Variants in PCDHA2 observed in about 807,000 individuals in gnomAD.
The protein encoded by PCDHA2 is protocadherin alpha 2, also known as protocadherin alpha-2.
In PCDHA2, 58 loss-of-function variants were observed where a neutral mutation model predicts 66.0. The observed-to-expected ratio is 0.88, with a 90% CI of 0.71 to 1.09. The LOEUF is 1.09. Among genes scored for constraint, PCDHA2 ranks in the 50% least tolerant of loss-of-function variants. The pLI, the probability that PCDHA2 is intolerant of heterozygous loss-of-function variation, is 0.00. For missense variants in PCDHA2, 1,267 were observed against 1,242.3 expected (o/e 1.02, Z -0.30); for synonymous variants, 634 against 554.0 (o/e 1.14, Z -2.03).
At chr5:140,927,720 G>A in intron 1 of PCDHA2, 6 of 1,614,174 alleles carry the variant, frequency 3.7e-6, no homozygotes, top group Non-Finnish European at 4.2e-6. Context: ...GCAACAGCAC[G>A]CAAGCAGAGC....
chr5:140,874,487 G>T (rs1194886650), intron 1 of PCDHA2, among the ~76,000 whole-genome samples: 11 of 152,214 alleles, frequency 7.2e-5, no homozygotes, highest in African/African-American at 2.2e-4. Flanking sequence ...GCAAAAGGTT[G>T]ATATCAAGTT....
At chr5:140,822,386 C>T (rs2150115913) in intron 1 of PCDHA2, 2 of 1,614,064 alleles carry the variant, frequency 1.2e-6, no homozygotes, top group East Asian at 4.5e-5. Context: ...AGAGAAGAAA[C>T]ACAAGAACAC....
At chr5:140,871,316 TGGTGTGCTCCCGCGC>T in intron 1 of PCDHA2, 1 of 1,614,034 alleles carries the variant, frequency 6.2e-7, no homozygotes, top group Non-Finnish European at 8.5e-7. Context: ...AAGCCCACGC[TGGTGTGCTCCCGCGC>T]GGTGGGGAGC....
Position 140,869,285 on chromosome 5 carries a change from A to C in PCDHA2, c.2388+71933A>C, listed in dbSNP as rs201493000. The stretch of plus-strand genomic sequence containing the variant: ...GGGCTGGAGCTGGCGGAGCTGGTGC[A>C]GCGCCTGTTCCGGGTGGCGTCCAAA... On this transcript the variant is annotated intron_variant, in intron 1 of 3. Transcript: ENST00000526136. The C allele has an allele frequency of 2.9e-3, 4,695 of 1,613,540 alleles. 19 individuals carry two copies. Among genetic ancestry groups the C allele is most frequent in the African/African-American group, 9.9e-3 (743 of 75,038 alleles).
chr5:140,802,842 G>T (rs782279925), intron 1 of PCDHA2: 4 of 1,613,606 alleles, frequency 2.5e-6, no homozygotes, highest in Middle Eastern at 1.6e-4. Flanking sequence ...GGGCAGCAAC[G>T]TGACGCTGCA....
intron 1 of PCDHA2, chr5:140,850,221 G>A: frequency 1.9e-6 from 3 of 1,593,734 alleles, no homozygotes; most frequent in South Asian, 2.2e-5. Context: ...CACTGACGGC[G>A]CAGTGAGCGA....
At chr5:140,885,124 T>C (rs1019759458) in intron 1 of PCDHA2, among the ~76,000 whole-genome samples, 35 of 152,216 alleles carry the variant, frequency 2.3e-4, no homozygotes, top group African/African-American at 8.2e-4. Flanking sequence ...TGCACTTTTC[T>C]TTCTTTCTTT....
chr5:140,848,297 T>C, intron 1 of PCDHA2: 1 of 658,484 alleles, frequency 1.5e-6, no homozygotes, highest in Non-Finnish European at 2.6e-6. Flanking sequence ...TTGGGCCACG[T>C]GATGTCACTC....
At chr5:140,815,065 G>A (rs1000683803) in intron 1 of PCDHA2, 1 of 151,794 alleles carries the variant, frequency 6.6e-6, no homozygotes, top group African/African-American at 2.4e-5. Flanking sequence ...TAACTTTCAG[G>A]CTATCCAGGT....
rs1347571265 is a variant in PCDHA2, at chr5:140,848,315, C to T, written c.2388+50963C>T. On this transcript the variant is annotated intron_variant, in intron 1 of 3. Transcript: ENST00000526136. ...GGCCACGTGATGTCACTCTTTGCCG[C>T]GATGTTCTCTCTGAATCCAGACAAA... is the stretch of plus-strand genomic sequence containing the variant. 5.4e-6 allele frequency: 4 copies of T among 741,056 alleles called. 1 individual carries two copies. Among genetic ancestry groups the T allele is most frequent in the East Asian group, 5.0e-5 (2 of 40,334 alleles). 45.9% of individuals were successfully genotyped at this position (741,056 alleles called of 1,614,324 possible).
chr5:140,849,999 C>G lies in PCDHA2; in HGVS notation c.2388+52647C>G, dbSNP rs1554143600. The G allele has an allele frequency of 3.1e-6, 5 of 1,596,930 alleles. No individual in the cohort carries two copies. In the African/African-American group the frequency reaches 5.4e-5, roughly 17 times the overall value. The stretch of plus-strand genomic sequence containing the variant: ...GCTGGTGGAGCGGCGGTTGGGCGAG[C>G]GCTCGCTGTCGAGCTACGTGTCAGT... On this transcript the variant is annotated intron_variant, in intron 1 of 3. Coordinates refer to ENST00000526136, the MANE Select transcript of PCDHA2 (RefSeq NM_018905.3).
Position 140,870,844 on chromosome 5 carries a change from C to T in PCDHA2, c.2388+73492C>T. The T allele has an allele frequency of 3.1e-6, 5 of 1,613,832 alleles. No homozygotes were observed. The highest frequency in any genetic ancestry group is 4.2e-6 in the Non-Finnish European group (5 of 1,179,882). ...GGGAGGCGCAGTTAACAAGCTAGTA[C>T]CGCGGTCGGTGGGTGCGGGCCACGT... On this transcript the variant is annotated intron_variant, in intron 1 of 3. Transcript: ENST00000526136.
At chr5:140,990,772 C>T (rs1554251728) in intron 3 of PCDHA2, among the ~76,000 whole-genome samples, 1 of 152,164 alleles carries the variant, frequency 6.6e-6, no homozygotes, top group African/African-American at 2.4e-5. Context: ...AAATTTGGCT[C>T]TGTGTTGGAC....
intron 1 of PCDHA2, chr5:140,849,462 G>GTC (rs2150438289): frequency 6.3e-7 from 1 of 1,588,650 alleles, no homozygotes; most frequent in Non-Finnish European, 8.6e-7. Context: ...AGTCGAGGCT[G>GTC]TCGATAAAGG....
intron 1 of PCDHA2, chr5:140,842,957 G>A: frequency 6.3e-7 from 1 of 1,594,936 alleles, no homozygotes; most frequent in Middle Eastern, 1.8e-4. Flanking sequence ...GCCGCCTCTG[G>A]GCAGCAACGT....
intron 1 of PCDHA2, chr5:140,877,875 C>A: frequency 6.8e-7 from 1 of 1,475,090 alleles, no homozygotes; most frequent in Non-Finnish European, 9.0e-7. Context: ...TATTTGTTTC[C>A]TTGAAGAACT....
At chr5:140,809,539 T>C (rs782730163) in intron 1 of PCDHA2, 2 of 1,613,728 alleles carry the variant, frequency 1.2e-6, no homozygotes, top group Non-Finnish European at 1.7e-6. Context: ...ACAGAGAAGA[T>C]CAGCTGCAGA....
At chr5:140,937,402 CACA>C (rs1329840101) in intron 1 of PCDHA2, among the ~76,000 whole-genome samples, 1 of 152,034 alleles carries the variant, frequency 6.6e-6, no homozygotes, top group African/African-American at 2.4e-5. Flanking sequence ...AGGGGTATTG[CACA>C]ACTTTTATTA....
intron 1 of PCDHA2, chr5:140,802,865 G>A (rs1554122421): frequency 6.2e-7 from 1 of 1,613,494 alleles, no homozygotes; most frequent in South Asian, 1.1e-5. Context: ...TGTTCGTGCT[G>A]GACGAGAACG....
Sources: allele counts gnomAD v4.1 joint callset (sites outside exome capture counted in the v4.1 genomes callset), GRCh38; gene constraint gnomAD v4.1.1; transcripts MANE v1.5; gene names NCBI Gene and HGNC (gene_info 2026-07-23, HGNC 2026-07-21).